The following CPEB4 variants were observed in gnomAD, a reference collection of about 807,000 sequenced individuals.
CPEB4 encodes the protein cytoplasmic polyadenylation element-binding protein 4.
CPEB4 carries 12 observed loss-of-function variants against 72.5 expected under a neutral mutation model. The ratio of observed to expected loss-of-function variants is 0.17; its 90% confidence interval spans 0.11 to 0.27. The LOEUF (loss-of-function observed/expected upper bound fraction) is 0.27. Ranked by LOEUF, CPEB4 falls within the 10% of genes least tolerant of loss-of-function variation. The pLI, the probability that CPEB4 is intolerant of heterozygous loss-of-function variation, is 1.00. For missense variants in CPEB4, 614 were observed against 908.5 expected, an observed-to-expected ratio of 0.68 and a Z score of 4.17; for synonymous variants, 302 against 326.3, an observed-to-expected ratio of 0.93 and a Z score of 0.80.
At chr5:173,912,298 A>T (rs1383069610) in intron 2 of CPEB4, among the ~76,000 whole-genome samples, 1 of 152,184 alleles carries the variant, frequency 6.6e-6, no homozygotes, top group Non-Finnish European at 1.5e-5. Flanking sequence ...AGCACCAGAA[A>T]AATTGTACAC....
At chr5:173,916,228 T>C (rs1756862049) in intron 2 of CPEB4, among the ~76,000 whole-genome samples, 1 of 152,166 alleles carries the variant, frequency 6.6e-6, no homozygotes, top group Non-Finnish European at 1.5e-5. Context: ...AGTGTGAAAA[T>C]GGAGTCTTTT....
At chr5:173,893,183 A>G (rs1463144137) in intron 1 of CPEB4, 1 of 152,254 alleles carries the variant, frequency 6.6e-6, no homozygotes, top group Non-Finnish European at 1.5e-5. Context: ...AGTCTAAAGA[A>G]GTAAGTAAAC....
chr5:173,958,218 A>T lies in CPEB4; in HGVS notation c.*2081A>T, dbSNP rs960891438. The T allele has an allele frequency of 9.2e-5, 14 of 152,778 alleles. No individual in the cohort carries two copies. Among genetic ancestry groups the T allele is most frequent in the Non-Finnish European group, 2.9e-5 (2 of 68,030 alleles). The allele number at this position is 152,778 out of a possible 1,614,324, so 9.5% of individuals were successfully genotyped here. ...TGTACATGACCTGCTGAATTTCGGT[A>T]CAGTGTTTTTGTAGCTAACTTATTT... On this transcript the variant is annotated 3_prime_UTR_variant, in exon 10 of 10. Transcript: ENST00000265085.
intron 8 of CPEB4, 68 bp downstream of exon 8, chr5:173,952,006 T>A: frequency 9.2e-7 from 1 of 1,084,082 alleles, no homozygotes; most frequent in Non-Finnish European, 1.4e-6. Context: ...TCAGGATAAA[T>A]TTTTCCTAAG....
chr5:173,905,019 A>AAAT (rs1429943585), intron 1 of CPEB4, among the ~76,000 whole-genome samples: 1 of 40,796 alleles, frequency 2.5e-5, no homozygotes, highest in Non-Finnish European at 5.8e-5. Context: ...ATAATAATAA[A>AAAT]AAAATGTAAC....
At chr5:173,953,642 CT>C (rs1290815393) in intron 9 of CPEB4, among the ~76,000 whole-genome samples, 1 of 151,784 alleles carries the variant, frequency 6.6e-6, no homozygotes, top group East Asian at 1.9e-4. Context: ...GTTTCCTGCC[CT>C]TTTTTTTGTT....
At chr5:173,936,045 C>G (rs1757610094) in intron 3 of CPEB4, among the ~76,000 whole-genome samples, 1 of 152,114 alleles carries the variant, frequency 6.6e-6, no homozygotes, top group African/African-American at 2.4e-5. Flanking sequence ...CAATTTATTG[C>G]TGTGTTAATA....
In CPEB4 at chr5:173,890,183, G is replaced by T; in HGVS notation, c.450G>T (p.Gly150=). 1.2e-6 allele frequency: 2 copies of T among 1,614,162 alleles called. No individual in the cohort carries two copies. Among genetic ancestry groups the T allele is most frequent in the Non-Finnish European group, 1.7e-6 (2 of 1,180,032 alleles). ...GGTTTGATTATCAAGAAGCCACTGG[G>T]CTAGGTACTTCAACCCAACCCTTGA... ...LTGFDYQEAT[G]LGTSTQPLTS... is the part of the protein sequence containing the mutation. The change falls in exon 1 of 10, where the codon GGG becomes GGT. Residue 150 remains glycine, a synonymous_variant. Coordinates refer to ENST00000265085, the MANE Select transcript of CPEB4 (RefSeq NM_030627.4).
intron 2 of CPEB4, among the ~76,000 whole-genome samples, chr5:173,927,007 C>T (rs74915933): frequency 2.1e-3 from 327 of 152,096 alleles, no homozygotes; most frequent in African/African-American, 7.3e-3. Flanking sequence ...AAAAATTACC[C>T]GCGCATGATG....
intron 1 of CPEB4, among the ~76,000 whole-genome samples, chr5:173,899,251 C>A (rs1187351644): frequency 6.6e-6 from 1 of 152,226 alleles, no homozygotes; most frequent in Non-Finnish European, 1.5e-5. Flanking sequence ...AATCTTGTTT[C>A]ATCTATACCC....
intron 2 of CPEB4, among the ~76,000 whole-genome samples, chr5:173,912,607 G>A (rs1229681873): frequency 6.6e-6 from 1 of 150,586 alleles, no homozygotes; most frequent in Non-Finnish European, 1.5e-5. Context: ...CACAGACCCT[G>A]TCTTTATATA....
At chr5:173,949,708 A>AT in intron 6 of CPEB4, 111 bp downstream of exon 6, 1 of 756,580 alleles carries the variant, frequency 1.3e-6, no homozygotes, top group Admixed American at 3.0e-5. Context: ...TTAAACTTGC[A>AT]TTTTCCCAAA....
intron 3 of CPEB4, among the ~76,000 whole-genome samples, chr5:173,940,001 C>T (rs1019343851): frequency 6.0e-5 from 9 of 149,140 alleles, no homozygotes; most frequent in Admixed American, 2.7e-4. Flanking sequence ...ATAGTCCCAG[C>T]GAGACTGAGG....
intron 2 of CPEB4, among the ~76,000 whole-genome samples, chr5:173,918,985 T>C (rs1426922137): frequency 6.6e-6 from 1 of 152,202 alleles, no homozygotes; most frequent in Non-Finnish European, 1.5e-5. Flanking sequence ...GGGGGAAGTA[T>C]TATAATAGTA....
rs1177175238 is a variant in CPEB4 at position 173,958,005 on chromosome 5, T to A, written c.*1868T>A. On this transcript the variant is annotated 3_prime_UTR_variant, in exon 10 of 10. Transcript: ENST00000265085. ...TGCTCTTGTGTAGCTGGTCAGGGAC[T>A]TTTTTTTCTTTTCTCCTGAACTACA... The A allele has an allele frequency of 1.3e-5, 2 of 152,594 alleles. No homozygotes were observed. Among genetic ancestry groups the A allele is most frequent in the Admixed American group, 1.3e-4 (2 of 15,262 alleles). 9.5% of individuals were successfully genotyped at this position (152,594 alleles called of 1,614,324 possible).
intron 6 of CPEB4, 61 bp from the exon 7 acceptor site, chr5:173,949,899 C>T (rs1298059804): frequency 2.7e-6 from 3 of 1,111,976 alleles, no homozygotes; most frequent in East Asian, 4.7e-5. Flanking sequence ...TGATTCCTTT[C>T]CCCTGAAGAA....
chr5:173,914,872 A>T (rs559968730), intron 2 of CPEB4, among the ~76,000 whole-genome samples: 1 of 152,360 alleles, frequency 6.6e-6, no homozygotes, highest in African/African-American at 2.4e-5. Context: ...ATTCAAAGAC[A>T]ACTTTAATAA....
At chr5:173,944,727 T>C (rs959297694) in intron 4 of CPEB4, among the ~76,000 whole-genome samples, 2 of 152,180 alleles carry the variant, frequency 1.3e-5, no homozygotes, top group Non-Finnish European at 2.9e-5. Flanking sequence ...CTGAAGTTTC[T>C]GGATCCCAGT....
At chr5:173,938,102 A>T (rs1386834531) in intron 3 of CPEB4, among the ~76,000 whole-genome samples, 5 of 152,126 alleles carry the variant, frequency 3.3e-5, no homozygotes, top group Non-Finnish European at 7.4e-5. Flanking sequence ...TCACAGATTA[A>T]TTCCTTTTAG....
Sources: gnomAD v4.1 joint callset for allele counts (sites outside exome capture counted in the v4.1 genomes callset) on GRCh38, gnomAD v4.1.1 for gene constraint, MANE v1.5 for transcripts, NCBI Gene and HGNC (gene_info 2026-07-23, HGNC 2026-07-21) for gene names.